Variants in CTNNBL1 observed in about 807,000 individuals in gnomAD.
The protein encoded by CTNNBL1 is beta-catenin-like protein 1.
CTNNBL1 carries 31 observed loss-of-function variants against 72.7 expected under a neutral mutation model. The ratio of observed to expected loss-of-function variants is 0.43; its 90% CI spans 0.32 to 0.58. CTNNBL1 has a LOEUF of 0.58. Among genes scored for constraint, CTNNBL1 ranks in the 20% least tolerant of loss-of-function variants. The pLI is 0.08. For missense variants in CTNNBL1, 534 were observed against 725.1 expected, an observed-to-expected ratio of 0.74 and a Z score of 3.03; for synonymous variants, 240 against 267.3, an observed-to-expected ratio of 0.90 and a Z score of 1.00.
At chr20:37,723,301 G>A (rs1039057566) in intron 1 of CTNNBL1, among the ~76,000 whole-genome samples, 3 of 152,228 alleles carry the variant, frequency 2.0e-5, no homozygotes, top group Non-Finnish European at 4.4e-5. Context: ...CAGCCAATCA[G>A]ATTACAGATC....
At chr20:37,828,817 G>T (rs1216747202) in intron 11 of CTNNBL1, among the ~76,000 whole-genome samples, 1 of 152,190 alleles carries the variant, frequency 6.6e-6, no homozygotes, top group East Asian at 1.9e-4. Context: ...AGCCGGAGTG[G>T]CTGAGCACAC....
At position 37,870,183 on chromosome 20, in the gene CTNNBL1, G is replaced by A. The variant is rs568004254; in HGVS notation, c.1604-1742G>A. On this transcript the variant is annotated intron_variant, in intron 15 of 15. Coordinates refer to ENST00000361383, the MANE Select transcript of CTNNBL1 (RefSeq NM_030877.5). ...CCTCTGCTGATCTGTTGCCAGAACTGTGCCCAGAGCCTCACCCTCCTCAGG... is the reference window on the plus strand; with the variant it reads ...CCTCTGCTGATCTGTTGCCAGAACTATGCCCAGAGCCTCACCCTCCTCAGG... Among the ~76,000 whole-genome samples, 3 of 152,146 alleles carry A rather than the reference G, an allele frequency of 2.0e-5. No individual in the cohort carries two copies. The South Asian group carries it at 6.2e-4, about 32-fold the overall frequency.
chr20:37,853,812 A>G (rs2072416542), intron 13 of CTNNBL1, among the ~76,000 whole-genome samples: 1 of 152,226 alleles, frequency 6.6e-6, no homozygotes, highest in Non-Finnish European at 1.5e-5. Flanking sequence ...GTACACATTT[A>G]TATTTGGCTT....
At chr20:37,847,126 G>A (rs2072353709) in intron 13 of CTNNBL1, among the ~76,000 whole-genome samples, 2 of 152,078 alleles carry the variant, frequency 1.3e-5, no homozygotes, top group South Asian at 4.2e-4. Context: ...TGTTTTCTCT[G>A]TGATTAGACC....
intron 1 of CTNNBL1, among the ~76,000 whole-genome samples, chr20:37,701,982 A>G (rs149124579): frequency 6.6e-6 from 1 of 152,122 alleles, no homozygotes; most frequent in African/African-American, 2.4e-5. Flanking sequence ...CGCACGTGGA[A>G]TGAATCATTG....
chr20:37,738,639 G>A (rs1345496482), intron 3 of CTNNBL1, among the ~76,000 whole-genome samples: 1 of 152,158 alleles, frequency 6.6e-6, no homozygotes, highest in Non-Finnish European at 1.5e-5. Context: ...TAGGTTACTA[G>A]GGAGACTGAC....
chr20:37,864,184 T>A (rs2072516485), intron 15 of CTNNBL1, among the ~76,000 whole-genome samples: 1 of 150,346 alleles, frequency 6.7e-6, no homozygotes, highest in African/African-American at 2.5e-5. Context: ...CTCCTTTTCA[T>A]ACCACGCCCC....
At chr20:37,720,803 G>T (rs2073034218) in intron 1 of CTNNBL1, among the ~76,000 whole-genome samples, 1 of 152,164 alleles carries the variant, frequency 6.6e-6, no homozygotes, top group African/African-American at 2.4e-5. Flanking sequence ...GCACTCTTAG[G>T]TGCTGAGATA....
At chr20:37,808,718 T>G (rs1360462899) in intron 11 of CTNNBL1, among the ~76,000 whole-genome samples, 1 of 152,162 alleles carries the variant, frequency 6.6e-6, no homozygotes. Context: ...AGCTTTAACC[T>G]TCATCTATCT....
At chr20:37,775,822 A>C (rs2073568554) in intron 7 of CTNNBL1, among the ~76,000 whole-genome samples, 1 of 152,234 alleles carries the variant, frequency 6.6e-6, no homozygotes. Context: ...AGATCCACAG[A>C]AAGGCCATGG....
intron 4 of CTNNBL1, among the ~76,000 whole-genome samples, chr20:37,754,547 G>A (rs2063791672): frequency 6.6e-6 from 1 of 152,008 alleles, no homozygotes; most frequent in Non-Finnish European, 1.5e-5. Context: ...GAATAAATAT[G>A]GGAGTTTCTT....
intron 11 of CTNNBL1, among the ~76,000 whole-genome samples, chr20:37,806,282 G>A (rs146879478): frequency 5.9e-5 from 9 of 152,262 alleles, no homozygotes; most frequent in Non-Finnish European, 1.2e-4. Flanking sequence ...GAATCAGCTC[G>A]CCAGTCCAGA....
chr20:37,839,916 T>C (rs1347047637), intron 11 of CTNNBL1, among the ~76,000 whole-genome samples, 186 bp from the exon 12 acceptor site: 2 of 152,230 alleles, frequency 1.3e-5, no homozygotes, highest in African/African-American at 4.8e-5. Context: ...TGAATATGTT[T>C]TTTGTGCAAT....
At chr20:37,837,245 G>C (rs2072263208) in intron 11 of CTNNBL1, among the ~76,000 whole-genome samples, 1 of 151,976 alleles carries the variant, frequency 6.6e-6, no homozygotes, top group Non-Finnish European at 1.5e-5. Context: ...CCTTACCCTG[G>C]GTTCATGGGG....
chr20:37,861,125 T>A (rs760846), intron 15 of CTNNBL1, among the ~76,000 whole-genome samples: 10 of 152,080 alleles, frequency 6.6e-5, no homozygotes, highest in African/African-American at 2.2e-4. Context: ...CTCTAGCTGC[T>A]AGCCTGTCAC....
intron 12 of CTNNBL1, among the ~76,000 whole-genome samples, chr20:37,841,443 C>T (rs1340035559): frequency 6.6e-6 from 1 of 152,124 alleles, no homozygotes; most frequent in African/African-American, 2.4e-5. Context: ...AAATAATGGT[C>T]ATGAAAATAC....
intron 11 of CTNNBL1, among the ~76,000 whole-genome samples, chr20:37,837,332 C>T (rs1377319105): frequency 2.6e-5 from 4 of 152,066 alleles, no homozygotes; most frequent in Admixed American, 6.6e-5. Flanking sequence ...TGAGTGACTA[C>T]GGCAGACGGA....
At chr20:37,698,820 C>T (rs533393653) in intron 1 of CTNNBL1, among the ~76,000 whole-genome samples, 6 of 152,250 alleles carry the variant, frequency 3.9e-5, no homozygotes, top group East Asian at 1.9e-4. Context: ...CCAAGGCAGG[C>T]GGATCTCTTG....
intron 15 of CTNNBL1, among the ~76,000 whole-genome samples, chr20:37,865,415 T>C (rs2072528632): frequency 6.6e-6 from 1 of 152,234 alleles, no homozygotes; most frequent in Non-Finnish European, 1.5e-5. Context: ...TTTATTATTG[T>C]AGTAATAATT....
Sources: allele counts gnomAD v4.1 joint callset (sites outside exome capture counted in the v4.1 genomes callset), GRCh38; gene constraint gnomAD v4.1.1; transcripts MANE v1.5; gene names NCBI Gene and HGNC (gene_info 2026-07-23, HGNC 2026-07-21).